Variants in COMMD1 observed in about 807,000 individuals in gnomAD.
COMMD1 encodes copper metabolism domain containing 1.
In COMMD1, 10 loss-of-function variants were observed where a neutral mutation model predicts 17.2. The observed-to-expected ratio is 0.58, with a 90% CI of 0.36 to 0.99. COMMD1 has a LOEUF of 0.99. Ranked by LOEUF, COMMD1 falls within the 50% of genes least tolerant of loss-of-function variation. The pLI is 0.01. For synonymous variants in COMMD1, 97 were observed against 91.6 expected, an observed-to-expected ratio of 1.06 and a Z score of -0.34; for missense variants, 270 against 231.8, an observed-to-expected ratio of 1.17 and a Z score of -1.07.
At chr2:62,085,717 C>A (rs1224804385) in intron 2 of COMMD1, among the ~76,000 whole-genome samples, 1 of 151,570 alleles carries the variant, frequency 6.6e-6, no homozygotes, top group East Asian at 2.0e-4. Context: ...TGGTGGCTCA[C>A]GCCTGTAATC....
intron 2 of COMMD1, 96 bp from the exon 3 acceptor site, chr2:62,135,735 G>C: frequency 1.3e-6 from 1 of 755,280 alleles, no homozygotes; most frequent in South Asian, 1.4e-5. Context: ...AGCTGGGCTT[G>C]CTGGATTGGG....
At chr2:61,978,111 C>T (rs1276700574) in intron 1 of COMMD1, among the ~76,000 whole-genome samples, 2 of 151,944 alleles carry the variant, frequency 1.3e-5, no homozygotes, top group Admixed American at 6.6e-5. Context: ...GCCTGTGAAA[C>T]ATAGTGAAAC....
intron 1 of COMMD1, among the ~76,000 whole-genome samples, chr2:61,910,645 T>G (rs906556564): frequency 1.3e-5 from 2 of 152,206 alleles, no homozygotes; most frequent in Non-Finnish European, 2.9e-5. Flanking sequence ...CTGTTAACCT[T>G]GTGGATATGC....
chr2:62,128,878 G>C (rs1216993517), intron 2 of COMMD1, among the ~76,000 whole-genome samples: 1 of 151,706 alleles, frequency 6.6e-6, no homozygotes, highest in African/African-American at 2.4e-5. Context: ...CTTGAACCTG[G>C]GAGGCAGAGG....
chr2:61,941,982 ACTTTTT>A lies in COMMD1; in HGVS notation c.180+36131_180+36136del, dbSNP rs1235226496. Among the ~76,000 whole-genome samples, 14 of 152,118 alleles carry A rather than the reference ACTTTTT, an allele frequency of 9.2e-5. 1 individual carries two copies. Among genetic ancestry groups the A allele is most frequent in the Admixed American group, 8.5e-4 (13 of 15,268 alleles). The stretch of plus-strand genomic sequence containing the variant: ...GAGGTAACTTTATTTGTCCTGGCTT[ACTTTTT>A]CTTTTTATCCATTTAGTTTTATTTG... On this transcript the variant is annotated intron_variant, in intron 1 of 2. Coordinates refer to ENST00000311832, the MANE Select transcript of COMMD1 (RefSeq NM_152516.4).
intron 2 of COMMD1, among the ~76,000 whole-genome samples, chr2:62,108,336 C>G (rs1672371745): frequency 1.3e-5 from 2 of 151,818 alleles, no homozygotes; most frequent in Non-Finnish European, 2.9e-5. Flanking sequence ...TGACAGAAGA[C>G]AGATTAACAG....
chr2:61,964,625 G>A (rs1003586489), intron 1 of COMMD1, among the ~76,000 whole-genome samples: 1 of 152,176 alleles, frequency 6.6e-6, no homozygotes, highest in Non-Finnish European at 1.5e-5. Context: ...ACGAGGTTAG[G>A]AGTTCAAGAC....
chr2:62,000,270 A>ATT (rs370727672), intron 1 of COMMD1, among the ~76,000 whole-genome samples: 38 of 127,322 alleles, frequency 3.0e-4, no homozygotes, highest in African/African-American at 6.8e-4. Context: ...ATTTCAGTGA[A>ATT]TTTTTTTTTT....
Position 62,081,571 on chromosome 2 carries a change from A to G in COMMD1, c.463-54260A>G, listed in dbSNP as rs1671522011. Among the ~76,000 whole-genome samples, 5 of 151,888 alleles carry G rather than the reference A, an allele frequency of 3.3e-5. No individual in the cohort carries two copies. In the South Asian group the frequency reaches 1.0e-3, roughly 32 times the overall value. On this transcript the variant is annotated intron_variant, in intron 2 of 2. Transcript: ENST00000311832. ...GGCCCAATCTAGATTTTTTTTTTAA[A>G]TGATATCCCTTGTTGCTTTACTCTA...
intron 2 of COMMD1, among the ~76,000 whole-genome samples, chr2:62,125,037 C>G (rs1303930681): frequency 1.3e-5 from 2 of 152,170 alleles, no homozygotes; most frequent in Non-Finnish European, 2.9e-5. Flanking sequence ...TTTAAGCATT[C>G]TAACACTGTC....
intron 2 of COMMD1, among the ~76,000 whole-genome samples, chr2:62,050,290 G>A (rs925896223): frequency 3.3e-5 from 5 of 152,132 alleles, no homozygotes; most frequent in African/African-American, 1.2e-4. Flanking sequence ...TTATTTATTT[G>A]TAATTTCATT....
At chr2:62,095,453 TAC>T (rs1342294027) in intron 2 of COMMD1, among the ~76,000 whole-genome samples, 1 of 152,106 alleles carries the variant, frequency 6.6e-6, no homozygotes. Context: ...TACTTATTGG[TAC>T]CATGTTATCA....
At chr2:62,072,265 G>C (rs998148249) in intron 2 of COMMD1, among the ~76,000 whole-genome samples, 2 of 152,104 alleles carry the variant, frequency 1.3e-5, no homozygotes, top group Admixed American at 1.3e-4. Flanking sequence ...CAAGCTGCCA[G>C]TTCTGGGTAA....
chr2:61,910,878 G>C (rs2105177598), intron 1 of COMMD1, among the ~76,000 whole-genome samples: 1 of 151,392 alleles, frequency 6.6e-6, no homozygotes, highest in Admixed American at 6.6e-5. Flanking sequence ...GAAGTCCCTG[G>C]TTCAAGATCA....
chr2:62,083,699 A>C (rs527763171), intron 2 of COMMD1, among the ~76,000 whole-genome samples: 2 of 152,370 alleles, frequency 1.3e-5, no homozygotes, highest in South Asian at 4.1e-4. Flanking sequence ...CATTTTTGGC[A>C]AGAATTGTTT....
intron 1 of COMMD1, among the ~76,000 whole-genome samples, chr2:61,959,041 GT>G (rs149569085): frequency 0.019 from 2,896 of 152,216 alleles, 41 homozygotes; most frequent in Non-Finnish European, 0.028. Flanking sequence ...CATTGTACTA[GT>G]TTTACTGCTC....
intron 1 of COMMD1, among the ~76,000 whole-genome samples, chr2:61,907,045 A>G (rs1669791520): frequency 6.6e-6 from 1 of 152,248 alleles, no homozygotes; most frequent in Non-Finnish European, 1.5e-5. Flanking sequence ...GTGTGATCCT[A>G]GACATTCTAA....
At chr2:62,062,761 G>T (rs1470867136) in intron 2 of COMMD1, among the ~76,000 whole-genome samples, 1 of 152,038 alleles carries the variant, frequency 6.6e-6, no homozygotes, top group Non-Finnish European at 1.5e-5. Flanking sequence ...ATTATAGGAG[G>T]TGCTTTTTAT....
chr2:61,898,441 A>G (rs1402514564), intron 1 of COMMD1, among the ~76,000 whole-genome samples: 1 of 152,194 alleles, frequency 6.6e-6, no homozygotes, highest in African/African-American at 2.4e-5. Context: ...ACGCCACTGC[A>G]CTGCAGCCTG....
Sources: allele counts gnomAD v4.1 joint callset (sites outside exome capture counted in the v4.1 genomes callset), GRCh38; gene constraint gnomAD v4.1.1; transcripts MANE v1.5; gene names NCBI Gene and HGNC (gene_info 2026-07-23, HGNC 2026-07-21).